The following DPP10 variants were observed in gnomAD, a reference collection of about 807,000 sequenced individuals.
The protein encoded by DPP10 is inactive dipeptidyl peptidase 10.
Under a neutral mutation model 120.9 loss-of-function variants are expected in DPP10, and 33 were observed. That is an observed-to-expected ratio of 0.27 (90% CI 0.21 to 0.37). The LOEUF (loss-of-function observed/expected upper bound fraction) is 0.37. Among genes scored for constraint, DPP10 ranks in the 10% least tolerant of loss-of-function variants. The pLI, the probability that DPP10 is intolerant of heterozygous loss-of-function variation, is 1.00. For synonymous variants in DPP10, 337 were observed against 326.1 expected, an observed-to-expected ratio of 1.03 and a Z score of -0.36; for missense variants, 816 against 942.8, an observed-to-expected ratio of 0.87 and a Z score of 1.76.
chr2:114,800,615 G>C (rs1684109049), intron 1 of DPP10, among the ~76,000 whole-genome samples: 2 of 152,212 alleles, frequency 1.3e-5, no homozygotes. Context: ...GAAGGGGACT[G>C]ATTGTTATTG....
chr2:115,003,637 A>G (rs913717286), intron 1 of DPP10, among the ~76,000 whole-genome samples: 10 of 152,206 alleles, frequency 6.6e-5, no homozygotes, highest in Admixed American at 6.5e-5. Context: ...AGTAATTGTC[A>G]TTTATACAAC....
chr2:115,636,270 G>T (rs1441968058), intron 5 of DPP10, among the ~76,000 whole-genome samples: 1 of 151,974 alleles, frequency 6.6e-6, no homozygotes, highest in African/African-American at 2.4e-5. Context: ...AATAATAGGG[G>T]AAAACATCAA....
intron 1 of DPP10, among the ~76,000 whole-genome samples, chr2:115,145,364 G>T (rs2051165351): frequency 6.6e-6 from 1 of 151,916 alleles, no homozygotes; most frequent in South Asian, 2.1e-4. Flanking sequence ...CCATAGTTTT[G>T]TCTTTTCCAG....
chr2:115,802,541 C>T (rs1685389201), intron 19 of DPP10, among the ~76,000 whole-genome samples: 1 of 152,142 alleles, frequency 6.6e-6, no homozygotes, highest in South Asian at 2.1e-4. Context: ...AATTTTAGAT[C>T]TTTCCTGCTT....
At chr2:115,500,494 T>C (rs2076629657) in intron 4 of DPP10, among the ~76,000 whole-genome samples, 1 of 151,990 alleles carries the variant, frequency 6.6e-6, no homozygotes, top group Non-Finnish European at 1.5e-5. Flanking sequence ...GTATTTATTA[T>C]GGAATGGCCC....
intron 1 of DPP10, among the ~76,000 whole-genome samples, chr2:114,452,281 C>T (rs565102717): frequency 6.6e-6 from 1 of 152,096 alleles, no homozygotes; most frequent in Admixed American, 6.5e-5. Context: ...TATTTTCTTC[C>T]TCATTCTCTG....
At chr2:115,673,810 TAA>T (rs2090080402) in intron 5 of DPP10, among the ~76,000 whole-genome samples, 1 of 152,246 alleles carries the variant, frequency 6.6e-6, no homozygotes, top group Non-Finnish European at 1.5e-5. Flanking sequence ...TAGTCTGAAC[TAA>T]AAATGTCTCT....
intron 1 of DPP10, among the ~76,000 whole-genome samples, chr2:115,205,827 T>A (rs1165468040): frequency 1.3e-5 from 2 of 152,130 alleles, no homozygotes; most frequent in Non-Finnish European, 2.9e-5. Context: ...AGATAAACAT[T>A]GCATACACAG....
Position 114,497,402 on chromosome 2 carries a change from C to T in DPP10, c.60+54564C>T, listed in dbSNP as rs957714859. 6.0e-4 allele frequency among the ~76,000 whole-genome samples: 68 copies of T among 114,130 alleles called. 1 individual carries two copies. The highest frequency in any genetic ancestry group is 1.3e-3 in the African/African-American group (36 of 26,830). The allele number at this position is 114,130 out of a possible 152,430, so 74.9% of individuals were successfully genotyped here. On this transcript the variant is annotated intron_variant, in intron 1 of 25. Transcript: ENST00000410059. ...ATACATATACATACACATACATATACATATACACATACATATGCATCTATA... is the reference window on the plus strand; with the variant it reads ...ATACATATACATACACATACATATATATATACACATACATATGCATCTATA...
chr2:114,931,414 C>T (rs1696060635), intron 1 of DPP10, among the ~76,000 whole-genome samples: 4 of 152,288 alleles, frequency 2.6e-5, no homozygotes, highest in Admixed American at 6.5e-5. Context: ...AAGTAAGATG[C>T]AGTGAGGCCA....
intron 21 of DPP10, among the ~76,000 whole-genome samples, chr2:115,816,161 C>T (rs1455441346): frequency 6.6e-6 from 1 of 151,914 alleles, no homozygotes; most frequent in African/African-American, 2.4e-5. Context: ...TTTCATGAAG[C>T]TTGTGTTCCA....
chr2:114,793,200 A>C (rs963670526), intron 1 of DPP10, among the ~76,000 whole-genome samples: 1 of 152,068 alleles, frequency 6.6e-6, no homozygotes, highest in Non-Finnish European at 1.5e-5. Flanking sequence ...CAGAACGTGA[A>C]GCCTTGTCAC....
chr2:115,270,029 A>G (rs71418543), intron 1 of DPP10, among the ~76,000 whole-genome samples: 5,672 of 148,684 alleles, frequency 0.038, 212 homozygotes, highest in East Asian at 0.2. Context: ...CTAGTGGATA[A>G]CCTAATTCCT....
intron 1 of DPP10, among the ~76,000 whole-genome samples, chr2:114,506,002 T>C (rs1447111307): frequency 1.3e-5 from 2 of 152,336 alleles, no homozygotes; most frequent in Non-Finnish European, 2.9e-5. Context: ...TACTTTGTGA[T>C]TGATAGATAA....
At chr2:114,604,301 A>G (rs1407397431) in intron 1 of DPP10, among the ~76,000 whole-genome samples, 2 of 152,040 alleles carry the variant, frequency 1.3e-5, no homozygotes, top group African/African-American at 4.8e-5. Flanking sequence ...CCAAGGACCA[A>G]CTTTGCAAGC....
chr2:115,438,828 T>C lies in DPP10; in HGVS notation c.272-60682T>C, dbSNP rs76892169. ...GTCATGGAAGCACAGTGTGGAATAG[T>C]GGCTAAGATGGTCATGGAAGCACAG... On this transcript the variant is annotated intron_variant, in intron 3 of 25. Transcript: ENST00000410059. Among the ~76,000 whole-genome samples the C allele has an allele frequency of 2.4e-3, 298 of 124,882 alleles. 2 individuals are homozygous for C. The highest frequency in any genetic ancestry group is 0.012 in the East Asian group (43 of 3,484). The allele number at this position is 124,882 out of a possible 152,430, so 81.9% of individuals were successfully genotyped here. A position where few individuals can be genotyped will look rare whatever the true frequency, so the allele number is the denominator to read the frequency against.
chr2:114,510,559 C>A (rs893187360), intron 1 of DPP10, among the ~76,000 whole-genome samples: 4 of 152,138 alleles, frequency 2.6e-5, no homozygotes, highest in South Asian at 2.1e-4. Context: ...AGCAAGACTG[C>A]GCCATTGCAC....
intron 1 of DPP10, among the ~76,000 whole-genome samples, chr2:114,979,852 C>T (rs1346371411): frequency 1.3e-5 from 2 of 152,034 alleles, no homozygotes; most frequent in East Asian, 3.9e-4. Flanking sequence ...GATATATTTT[C>T]TTTATGATAT....
intron 1 of DPP10, among the ~76,000 whole-genome samples, chr2:114,545,515 T>C (rs543500849): frequency 4.0e-4 from 61 of 152,308 alleles, no homozygotes; most frequent in Middle Eastern, 6.8e-3. Context: ...CAACATACAA[T>C]GTCTTTCCAA....
Sources: allele counts gnomAD v4.1 joint callset (sites outside exome capture counted in the v4.1 genomes callset), GRCh38; gene constraint gnomAD v4.1.1; transcripts MANE v1.5; gene names NCBI Gene and HGNC (gene_info 2026-07-23, HGNC 2026-07-21).